Variants in TEAD4 observed in about 807,000 individuals in gnomAD.
TEAD4 encodes the protein TEA domain transcription factor 4, also known as transcriptional enhancer factor TEF-3.
TEAD4 carries 36 observed loss-of-function variants against 52.4 expected under a neutral mutation model. The ratio of observed to expected loss-of-function variants is 0.69; its 90% confidence interval spans 0.53 to 0.91. TEAD4 has a LOEUF of 0.91. Among genes scored for constraint, TEAD4 ranks in the 40% least tolerant of loss-of-function variants. The probability of loss-of-function intolerance (pLI) is 0.00; values close to 1 mark genes in which losing one functional copy is unlikely to be tolerated. For synonymous variants in TEAD4, 220 were observed against 231.0 expected, an observed-to-expected ratio of 0.95 and a Z score of 0.43; for missense variants, 508 against 583.9, an observed-to-expected ratio of 0.87 and a Z score of 1.34.
At chr12:3,019,994 G>A (rs901952538) in intron 8 of TEAD4, among the ~76,000 whole-genome samples, 7 of 152,266 alleles carry the variant, frequency 4.6e-5, no homozygotes, top group Admixed American at 1.3e-4. Context: ...TCGCTGTCCC[G>A]TCTCACCTCC....
At chr12:2,988,553 C>T (rs1260590135) in intron 2 of TEAD4, among the ~76,000 whole-genome samples, 1 of 151,716 alleles carries the variant, frequency 6.6e-6, no homozygotes, top group African/African-American at 2.4e-5. Flanking sequence ...ATTCAGTGTC[C>T]TGCCATACAA....
chr12:3,018,271 T>C (rs1428354753), intron 6 of TEAD4, among the ~76,000 whole-genome samples: 1 of 152,180 alleles, frequency 6.6e-6, no homozygotes, highest in African/African-American at 2.4e-5. Flanking sequence ...GAGCCTTAGG[T>C]CTGCACTGTG....
intron 2 of TEAD4, among the ~76,000 whole-genome samples, chr12:2,993,247 C>G (rs1016692829): frequency 6.6e-6 from 1 of 152,184 alleles, no homozygotes; most frequent in Non-Finnish European, 1.5e-5. Flanking sequence ...CTGTACCTGT[C>G]AAGTCACAAC....
intron 2 of TEAD4, among the ~76,000 whole-genome samples, chr12:2,992,893 G>A (rs2098244295): frequency 6.6e-6 from 1 of 152,128 alleles, no homozygotes; most frequent in Admixed American, 6.5e-5. Context: ...CAGCTTGGAT[G>A]GTTGGAGCCA....
At chr12:3,019,520 G>A (rs1333116613) in intron 8 of TEAD4, among the ~76,000 whole-genome samples, 1 of 152,224 alleles carries the variant, frequency 6.6e-6, no homozygotes, top group Non-Finnish European at 1.5e-5. Context: ...ACCTGGTCCT[G>A]GGAGGGCCGA....
chr12:3,005,705 T>C (rs2098255412), intron 3 of TEAD4, among the ~76,000 whole-genome samples: 1 of 152,222 alleles, frequency 6.6e-6, no homozygotes, highest in Non-Finnish European at 1.5e-5. Context: ...TTCATTGTGT[T>C]AGCCAAGATG....
At chr12:2,969,595 C>T (rs1273319507) in intron 2 of TEAD4, among the ~76,000 whole-genome samples, 2 of 152,110 alleles carry the variant, frequency 1.3e-5, no homozygotes, top group Non-Finnish European at 2.9e-5. Context: ...TATCAGCATG[C>T]GGGGATTCCA....
Position 2,962,835 on chromosome 12 carries a change from C to A in TEAD4, c.-30+2795C>A, listed in dbSNP as rs1273575778. ...GACAGTAACTTGCTTAATGCCGCAACCCTGGTGAGTGGCAGAGCAGGGATT... is the reference window on the plus strand; with the variant it reads ...GACAGTAACTTGCTTAATGCCGCAAACCTGGTGAGTGGCAGAGCAGGGATT... On this transcript the variant is annotated intron_variant, in intron 2 of 12. Coordinates refer to ENST00000359864, the MANE Select transcript of TEAD4 (RefSeq NM_003213.4). Among the ~76,000 whole-genome samples the A allele has an allele frequency of 3.0e-4, 46 of 152,170 alleles. 1 individual carries two copies.
At chr12:3,009,058 C>A (rs543309258) in intron 3 of TEAD4, among the ~76,000 whole-genome samples, 3 of 152,184 alleles carry the variant, frequency 2.0e-5, no homozygotes, top group African/African-American at 7.2e-5. Flanking sequence ...ACTGAGCCAG[C>A]GTTGAGGTCT....
intron 3 of TEAD4, among the ~76,000 whole-genome samples, chr12:2,996,891 G>T (rs1052491279): frequency 6.6e-6 from 1 of 152,166 alleles, no homozygotes; most frequent in Non-Finnish European, 1.5e-5. Flanking sequence ...GATTTTACAG[G>T]TGTGAGCCAC....
chr12:3,017,129 A>T (rs1483127215), intron 5 of TEAD4: 1 of 617,306 alleles, frequency 1.6e-6, no homozygotes, highest in Non-Finnish European at 3.0e-6. Context: ...CCCGTAATTA[A>T]TAAAATGACA....
intron 10 of TEAD4, among the ~76,000 whole-genome samples, chr12:3,036,044 G>A (rs1042634688): frequency 6.6e-6 from 1 of 152,084 alleles, no homozygotes; most frequent in Non-Finnish European, 1.5e-5. Context: ...GACAGAGTGG[G>A]GAGACTGAGG....
chr12:2,962,650 A>G (rs1456437970), intron 2 of TEAD4, among the ~76,000 whole-genome samples: 1 of 151,296 alleles, frequency 6.6e-6, no homozygotes, highest in East Asian at 2.0e-4. Flanking sequence ...TTGTATTTTT[A>G]GTAGAGGCGG....
chr12:2,994,720 T>C lies in TEAD4; in HGVS notation c.-29-18T>C, dbSNP rs1296713394. 1.3e-6 allele frequency: 2 copies of C among 1,547,324 alleles called. No individual in the cohort carries two copies. Among genetic ancestry groups the C allele is most frequent in the African/African-American group, 1.4e-5 (1 of 73,284 alleles). On this transcript the variant is annotated intron_variant, in intron 2 of 12. Coordinates refer to ENST00000359864, the MANE Select transcript of TEAD4 (RefSeq NM_003213.4). The surrounding 1 kb of genome is among the most constrained non-coding windows in gnomAD (Gnocchi z 4.7). ...GTTCTTCCACTGCTCACCGGGGCTG[T>C]GGTTCCTGTCCCCACAGGTCCAACG...
chr12:3,040,073 G>T (rs1565556289), intron 11 of TEAD4, 34 bp from the exon 12 acceptor site: 2 of 1,610,628 alleles, frequency 1.2e-6, no homozygotes, highest in Non-Finnish European at 1.7e-6. Context: ...GTCAGAATGG[G>T]ATTCTAAGCC....
At chr12:2,993,629 CCTGG>C (rs1475194359) in intron 2 of TEAD4, among the ~76,000 whole-genome samples, 2 of 151,924 alleles carry the variant, frequency 1.3e-5, no homozygotes. Flanking sequence ...AGCCAGCACA[CCTGG>C]CTAATTTTTT....
chr12:2,973,228 C>T (rs1393368738), intron 2 of TEAD4, among the ~76,000 whole-genome samples: 4 of 152,170 alleles, frequency 2.6e-5, no homozygotes, highest in Non-Finnish European at 2.9e-5. Context: ...CACGCCACCA[C>T]GCCCGGCTCA....
At chr12:2,964,478 A>T (rs2098218586) in intron 2 of TEAD4, among the ~76,000 whole-genome samples, 1 of 142,956 alleles carries the variant, frequency 7.0e-6, no homozygotes, top group African/African-American at 2.6e-5. Flanking sequence ...TTTTTTTGAG[A>T]CGGAGTTTTG....
At chr12:3,012,996 A>G (rs560339625) in intron 5 of TEAD4, among the ~76,000 whole-genome samples, 1 of 152,260 alleles carries the variant, frequency 6.6e-6, no homozygotes, top group Non-Finnish European at 1.5e-5. Context: ...TCTGTCACCC[A>G]CGCTCAGTGC....
Sources: allele counts gnomAD v4.1 joint callset (sites outside exome capture counted in the v4.1 genomes callset), GRCh38; gene constraint gnomAD v4.1.1; non-coding constraint Gnocchi (gnomAD v3.1); transcripts MANE v1.5; gene names NCBI Gene and HGNC (gene_info 2026-07-23, HGNC 2026-07-21).